Variants in KCNB2 observed in about 807,000 individuals in gnomAD.
KCNB2 encodes the protein potassium voltage-gated channel subfamily B member 2, also known as delayed rectifier potassium channel protein.
Under a neutral mutation model 61.5 loss-of-function variants are expected in KCNB2, and 15 were observed. That is an observed-to-expected ratio of 0.24 (90% CI 0.16 to 0.38). The LOEUF is 0.38. KCNB2 is among the 10% of genes least tolerant of loss of function. The pLI is 1.00. For synonymous variants in KCNB2, 457 were observed against 446.0 expected, an observed-to-expected ratio of 1.02 and a Z score of -0.31; for missense variants, 828 against 1,125.2, an observed-to-expected ratio of 0.74 and a Z score of 3.78.
chr8:72,569,622 C>T (rs1181216529), intron 2 of KCNB2, among the ~76,000 whole-genome samples: 1 of 142,780 alleles, frequency 7.0e-6, no homozygotes, highest in Non-Finnish European at 1.5e-5. Context: ...TGTTTACTTT[C>T]ATTTTACTTG....
chr8:72,546,211 C>T (rs1563519029), intron 1 of KCNB2, among the ~76,000 whole-genome samples: 1 of 152,110 alleles, frequency 6.6e-6, no homozygotes, highest in African/African-American at 2.4e-5. Flanking sequence ...TAAGCCATCT[C>T]CGTGATACAA....
intron 2 of KCNB2, among the ~76,000 whole-genome samples, chr8:72,568,726 C>T (rs1806665425): frequency 6.6e-6 from 1 of 152,128 alleles, no homozygotes; most frequent in Non-Finnish European, 1.5e-5. Context: ...GAGGAGGTAC[C>T]TCTTAGCCTG....
intron 2 of KCNB2, among the ~76,000 whole-genome samples, chr8:72,745,445 A>G (rs947501898): frequency 6.6e-6 from 1 of 152,138 alleles, no homozygotes; most frequent in Non-Finnish European, 1.5e-5. Flanking sequence ...CTACCCTTGT[A>G]GGTTTGATAA....
chr8:72,852,616 G>A (rs774040036), intron 2 of KCNB2, among the ~76,000 whole-genome samples: 9 of 152,122 alleles, frequency 5.9e-5, no homozygotes, highest in African/African-American at 9.7e-5. Flanking sequence ...AACTGAATAC[G>A]TTCAAATGTA....
intron 2 of KCNB2, among the ~76,000 whole-genome samples, chr8:72,782,399 C>A (rs1808775133): frequency 6.6e-6 from 1 of 152,132 alleles, no homozygotes; most frequent in African/African-American, 2.4e-5. Flanking sequence ...GCCACCACGA[C>A]TCTCTCCCCT....
chr8:72,909,807 G>T (rs1806253591), intron 2 of KCNB2, among the ~76,000 whole-genome samples: 1 of 152,168 alleles, frequency 6.6e-6, no homozygotes, highest in Admixed American at 6.5e-5. Context: ...AAGGATGCTT[G>T]CATCACTACG....
intron 2 of KCNB2, among the ~76,000 whole-genome samples, chr8:72,846,340 C>T (rs920206119): frequency 1.6e-4 from 24 of 152,268 alleles, no homozygotes; most frequent in Non-Finnish European, 3.2e-4. Flanking sequence ...CCACCCAGGA[C>T]ATAGGCATGG....
intron 2 of KCNB2, among the ~76,000 whole-genome samples, chr8:72,734,938 C>T (rs775109979): frequency 2.6e-5 from 4 of 152,120 alleles, no homozygotes; most frequent in Admixed American, 6.6e-5. Context: ...GTAAGAAGTG[C>T]GTTTTCATTA....
intron 2 of KCNB2, among the ~76,000 whole-genome samples, chr8:72,768,330 T>C (rs568115532): frequency 6.6e-6 from 1 of 151,904 alleles, no homozygotes; most frequent in South Asian, 2.1e-4. Context: ...TGCACCACCA[T>C]TGCCCAGCTA....
At chr8:72,803,428 A>G (rs1190379188) in intron 2 of KCNB2, among the ~76,000 whole-genome samples, 1 of 152,200 alleles carries the variant, frequency 6.6e-6, no homozygotes, top group East Asian at 1.9e-4. Context: ...TCACTCTAGA[A>G]AACTAGGAAC....
At chr8:72,867,979 G>C (rs1805557551) in intron 2 of KCNB2, among the ~76,000 whole-genome samples, 1 of 151,520 alleles carries the variant, frequency 6.6e-6, no homozygotes, top group African/African-American at 2.4e-5. Flanking sequence ...TCTTTGAAAT[G>C]ATTGGTAAAC....
chr8:72,901,987 G>A (rs552166845), intron 2 of KCNB2, among the ~76,000 whole-genome samples: 42 of 152,284 alleles, frequency 2.8e-4, no homozygotes, highest in Non-Finnish European at 5.3e-4. Context: ...TAGCAGAAAA[G>A]GGAAGTACTC....
At chr8:72,925,232 C>G (rs1370556397) in intron 2 of KCNB2, among the ~76,000 whole-genome samples, 4 of 152,132 alleles carry the variant, frequency 2.6e-5, no homozygotes, top group Non-Finnish European at 5.9e-5. Flanking sequence ...ATGAAGCCGA[C>G]TAGGTGTCCA....
In KCNB2 at chr8:72,561,745, ATG is replaced by A. The variant is rs1491405409; in HGVS notation, c.-93-5895_-93-5894del. ...TATATATATCTATATCTATATATAT[ATG>A]TATATATATATATGGATATATATAT... On this transcript the variant is annotated intron_variant, in intron 1 of 2. Transcript: ENST00000523207. Among the ~76,000 whole-genome samples the A allele has an allele frequency of 6.8e-3, 207 of 30,650 alleles. 3 individuals carry two copies. Among genetic ancestry groups the A allele is most frequent in the African/African-American group, 0.016 (111 of 6,762 alleles). The allele number at this position is 30,650 out of a possible 152,430, so 20.1% of individuals were successfully genotyped here.
chr8:72,704,913 A>G (rs1807194726), intron 2 of KCNB2, among the ~76,000 whole-genome samples: 1 of 152,202 alleles, frequency 6.6e-6, no homozygotes, highest in South Asian at 2.1e-4. Flanking sequence ...AATACAATGT[A>G]AATGTTATGT....
intron 1 of KCNB2, among the ~76,000 whole-genome samples, chr8:72,559,053 G>A (rs1806470817): frequency 1.3e-5 from 2 of 152,164 alleles, no homozygotes; most frequent in Non-Finnish European, 2.9e-5. Flanking sequence ...ACATGTAGAA[G>A]CACAGAAGTA....
At chr8:72,657,880 A>T (rs1258509716) in intron 2 of KCNB2, among the ~76,000 whole-genome samples, 1 of 152,166 alleles carries the variant, frequency 6.6e-6, no homozygotes, top group Non-Finnish European at 1.5e-5. Flanking sequence ...GGGGTGACAC[A>T]ATTCGCACCC....
chr8:72,608,544 G>T (rs910495329), intron 2 of KCNB2, among the ~76,000 whole-genome samples: 1 of 152,132 alleles, frequency 6.6e-6, no homozygotes, highest in Non-Finnish European at 1.5e-5. Context: ...AGATGGGGAA[G>T]TAAAGGCTGT....
chr8:72,882,520 T>TGAGAGAGAGAGAGA (rs147239924), intron 2 of KCNB2, among the ~76,000 whole-genome samples: 3,661 of 114,996 alleles, frequency 0.032, 126 homozygotes, highest in Non-Finnish European at 0.043. Flanking sequence ...TGCTGACAGT[T>TGAGAGAGAGAGAGA]GAGAGAGAGA....
Sources: gnomAD v4.1 joint callset for allele counts (sites outside exome capture counted in the v4.1 genomes callset) on GRCh38, gnomAD v4.1.1 for gene constraint, MANE v1.5 for transcripts, NCBI Gene and HGNC (gene_info 2026-07-23, HGNC 2026-07-21) for gene names.